ATP2B2: variants seen among roughly 807,000 people sequenced by gnomAD.
ATP2B2 encodes the protein plasma membrane calcium-transporting ATPase 2.
A neutral mutation model predicts 120.0 loss-of-function variants in ATP2B2; 15 were observed. The observed-to-expected ratio is 0.12, with a 90% CI of 0.08 to 0.19. ATP2B2 has a LOEUF of 0.19. Ranked by LOEUF, ATP2B2 falls within the 10% of genes least tolerant of loss-of-function variation. The pLI is 1.00. For missense variants in ATP2B2, 1,045 were observed against 1,719.8 expected, an observed-to-expected ratio of 0.61 and a Z score of 6.94; for synonymous variants, 694 against 700.3, an observed-to-expected ratio of 0.99 and a Z score of 0.14.
At chr3:10,707,533 G>A (rs2071914825) in intron 1 of ATP2B2, among the ~76,000 whole-genome samples, 1 of 152,216 alleles carries the variant, frequency 6.6e-6, no homozygotes, top group Non-Finnish European at 1.5e-5. Context: ...TGGGGAAGTC[G>A]GAGCCATCTG....
chr3:10,404,816 AT>A (rs2062355355), intron 3 of ATP2B2, among the ~76,000 whole-genome samples: 1 of 152,108 alleles, frequency 6.6e-6, no homozygotes, highest in East Asian at 1.9e-4. Flanking sequence ...ATGGAAACGC[AT>A]TTTCTTGGGG....
At chr3:10,499,931 C>G (rs967144852) in intron 1 of ATP2B2, among the ~76,000 whole-genome samples, 1 of 117,608 alleles carries the variant, frequency 8.5e-6, no homozygotes, top group Admixed American at 8.5e-5. Flanking sequence ...TGGGCACATT[C>G]TTTTTTTTTT....
chr3:10,677,957 G>A (rs970512593), intron 1 of ATP2B2, among the ~76,000 whole-genome samples: 1 of 152,136 alleles, frequency 6.6e-6, no homozygotes, highest in Non-Finnish European at 1.5e-5. Context: ...AGCAGGTATT[G>A]TGGACATGCC....
chr3:10,492,933 C>T (rs2065989978), intron 1 of ATP2B2, among the ~76,000 whole-genome samples: 1 of 152,236 alleles, frequency 6.6e-6, no homozygotes, highest in Non-Finnish European at 1.5e-5. Flanking sequence ...GCCTCCTCCT[C>T]TGCTCCCACT....
At chr3:10,577,804 C>T (rs543441854) in intron 2 of ATP2B2, among the ~76,000 whole-genome samples, 18 of 152,268 alleles carry the variant, frequency 1.2e-4, no homozygotes, top group Admixed American at 8.5e-4. Context: ...AGAGGGAACC[C>T]GAGGCACTGT....
At chr3:10,703,958 TG>T (rs1248733847) in intron 1 of ATP2B2, among the ~76,000 whole-genome samples, 3 of 152,328 alleles carry the variant, frequency 2.0e-5, no homozygotes, top group African/African-American at 7.2e-5. Context: ...CAGAGCCTGC[TG>T]AAACTATTCA....
intron 1 of ATP2B2, among the ~76,000 whole-genome samples, chr3:10,683,760 G>GTGTGTATATATATATA (rs1446781892): frequency 5.2e-4 from 28 of 53,890 alleles, no homozygotes; most frequent in South Asian, 9.5e-4. Context: ...GTGTGTGTGT[G>GTGTGTATATATATATA]TATATATATA....
intron 1 of ATP2B2, among the ~76,000 whole-genome samples, chr3:10,643,585 C>T (rs1270530311): frequency 6.6e-6 from 1 of 152,156 alleles, no homozygotes; most frequent in Non-Finnish European, 1.5e-5. Flanking sequence ...GACAGCACCA[C>T]CAAGGTGGCA....
intron 1 of ATP2B2, among the ~76,000 whole-genome samples, chr3:10,461,029 GTCTT>G (rs978233429): frequency 5.9e-5 from 9 of 152,208 alleles, no homozygotes; most frequent in African/African-American, 2.2e-4. Flanking sequence ...TTGGAGGAAA[GTCTT>G]TCTATGTGTT....
rs768007228 is a variant in ATP2B2 at position 10,350,166 on chromosome 3, T to G, written c.2350A>C (p.Lys784Gln). The G allele has an allele frequency of 6.2e-7, 1 of 1,613,634 alleles. No homozygotes were observed. ...GAGGAGCGAGCCAGCACCCGCAGCTTTGGCCAGATCTTGTCAATTCGCTCC... is the reference window on the plus strand; with the variant it reads ...GAGGAGCGAGCCAGCACCCGCAGCTGTGGCCAGATCTTGTCAATTCGCTCC... ...EQERIDKIWP[K>Q]LRVLARSSPT... The change falls in exon 16 of 23, where the codon AAG becomes CAG. Residue 784 changes from lysine (K) to glutamine (Q), a missense_variant. Around this residue, in one of 11 missense-constraint regions of ATP2B2, gnomAD observed 98 missense variants for 266.7 expected, o/e 0.37. Transcript: ENST00000360273.
At chr3:10,695,832 A>C (rs1164798280) in intron 1 of ATP2B2, among the ~76,000 whole-genome samples, 1 of 152,240 alleles carries the variant, frequency 6.6e-6, no homozygotes, top group East Asian at 1.9e-4. Flanking sequence ...AATTGCTAAT[A>C]GTGATACAGC....
chr3:10,488,499 C>CTTCCTTCG (rs1329683446), intron 1 of ATP2B2, among the ~76,000 whole-genome samples: 1 of 75,674 alleles, frequency 1.3e-5, no homozygotes, highest in Admixed American at 1.2e-4. Context: ...TCCTTCCTTC[C>CTTCCTTCG]TTCCTTCGTT....
rs138871244 is a variant in ATP2B2 at position 10,500,845 on chromosome 3, TC to T, written c.-320+4619del. 4.1e-4 allele frequency among the ~76,000 whole-genome samples: 63 copies of T among 152,334 alleles called. No individual in the cohort carries two copies. The East Asian group carries it at 0.012, about 29-fold the overall frequency. On this transcript the variant is annotated intron_variant, in intron 1 of 22. Coordinates refer to ENST00000360273, the MANE Select transcript of ATP2B2 (RefSeq NM_001001331.4). ...CAACGGGCTGTCCCTGCAGTTGCTC[TC>T]CTTGCTACTTCCTGAGACTTGCAGT...
chr3:10,436,593 T>C (rs1468180762), intron 2 of ATP2B2, among the ~76,000 whole-genome samples: 1 of 152,234 alleles, frequency 6.6e-6, no homozygotes, highest in Non-Finnish European at 1.5e-5. Flanking sequence ...CAAAGGGACA[T>C]TTACTTAGTG....
chr3:10,361,334 G>GT (rs973431573), intron 12 of ATP2B2, among the ~76,000 whole-genome samples: 2 of 152,184 alleles, frequency 1.3e-5, no homozygotes, highest in Admixed American at 6.5e-5. Flanking sequence ...GCGCCCGGTT[G>GT]TAACACTGTT....
At chr3:10,452,442 AG>A (rs2064093316) in intron 1 of ATP2B2, among the ~76,000 whole-genome samples, 1 of 152,234 alleles carries the variant, frequency 6.6e-6, no homozygotes, top group Non-Finnish European at 1.5e-5. Flanking sequence ...ATGAGGCACT[AG>A]GTCCGTGCAG....
At chr3:10,668,422 G>A (rs1031453518) in intron 1 of ATP2B2, among the ~76,000 whole-genome samples, 2 of 152,208 alleles carry the variant, frequency 1.3e-5, no homozygotes, top group Non-Finnish European at 1.5e-5. Flanking sequence ...TGACAACACC[G>A]GTAAAGAGAG....
chr3:10,435,328 G>C (rs546737172), intron 2 of ATP2B2, among the ~76,000 whole-genome samples: 1 of 152,252 alleles, frequency 6.6e-6, no homozygotes, highest in South Asian at 2.1e-4. Context: ...AAGCAGGGGG[G>C]TCTGAGGTTC....
intron 21 of ATP2B2, 138 bp from the exon 22 acceptor site, chr3:10,338,496 C>G: frequency 1.2e-6 from 1 of 800,508 alleles, no homozygotes. Flanking sequence ...ACCCACCTCA[C>G]CTGTTCCTCA....
Sources: gnomAD v4.1 joint callset for allele counts (sites outside exome capture counted in the v4.1 genomes callset) on GRCh38, gnomAD v4.1.1 for gene constraint, gnomAD v4.1.1 regional missense constraint, MANE v1.5 for transcripts, NCBI Gene and HGNC (gene_info 2026-07-23, HGNC 2026-07-21) for gene names.